The following DCUN1D3 variants were observed in gnomAD, a reference collection of about 807,000 sequenced individuals.
DCUN1D3 encodes DCN1-like protein 3.
Under a neutral mutation model 24.8 loss-of-function variants are expected in DCUN1D3, and 6 were observed. The ratio of observed to expected loss-of-function variants is 0.24; its 90% CI spans 0.13 to 0.48. The LOEUF is 0.48. DCUN1D3 is among the 20% of genes least tolerant of loss of function. The pLI is 0.99. For missense variants in DCUN1D3, 258 were observed against 379.4 expected, an observed-to-expected ratio of 0.68 and a Z score of 2.66; for synonymous variants, 120 against 144.9, an observed-to-expected ratio of 0.83 and a Z score of 1.24.
intron 1 of DCUN1D3, among the ~76,000 whole-genome samples, chr16:20,894,484 T>C (rs909270718): frequency 4.6e-5 from 7 of 152,154 alleles, no homozygotes; most frequent in Admixed American, 3.9e-4. Flanking sequence ...GACAGAATTA[T>C]TTCTAGTCAC....
At chr16:20,875,460 G>C (rs1196959544) in intron 1 of DCUN1D3, among the ~76,000 whole-genome samples, 5 of 152,132 alleles carry the variant, frequency 3.3e-5, no homozygotes, top group Admixed American at 3.3e-4. Flanking sequence ...AAAATGACTA[G>C]GTTTGTACAG....
chr16:20,896,977 C>T (rs1199234451), intron 1 of DCUN1D3, among the ~76,000 whole-genome samples: 2 of 152,312 alleles, frequency 1.3e-5, no homozygotes, highest in South Asian at 2.1e-4. Context: ...TTCAAGTTTT[C>T]GATAATCCTT....
At chr16:20,871,467 C>A (rs77083697) in intron 1 of DCUN1D3, among the ~76,000 whole-genome samples, 3,146 of 152,262 alleles carry the variant, frequency 0.021, 119 homozygotes, top group African/African-American at 0.072. Context: ...CTAAGACCAG[C>A]CAGTTTAGCA....
intron 1 of DCUN1D3, among the ~76,000 whole-genome samples, chr16:20,869,459 G>GA (rs2081778042): frequency 1.3e-5 from 2 of 152,270 alleles, no homozygotes; most frequent in South Asian, 4.1e-4. Flanking sequence ...ACAACCTCAA[G>GA]AAAATAGTTG....
chr16:20,860,258 A>T lies in DCUN1D3; in HGVS notation c.543T>A (p.Asp181Glu), dbSNP rs1346065603. 2 of 1,614,206 alleles carry T rather than the reference A, an allele frequency of 1.2e-6. No individual in the cohort carries two copies. The highest frequency in any genetic ancestry group is 2.7e-5 in the African/African-American group (2 of 75,042). The change falls in exon 3 of 3, where the codon GAT becomes GAA. Residue 181 changes from aspartate (D) to glutamate (E), a missense_variant. Asp to Glu is a conservative substitution (Grantham distance 45). Coordinates refer to ENST00000324344, the MANE Select transcript of DCUN1D3 (RefSeq NM_173475.4). The surrounding 1 kb of genome is among the most constrained non-coding windows in gnomAD (Gnocchi z 4.3). ...TEAKQEDKFK[D>E]LYRFTFQFGL... Reference sequence around the variant, plus strand: ...CAAACTGAAATGTAAACCGGTAGAGATCCTTGAATTTATCCTCTTGTTTGG... The same window carrying T: ...CAAACTGAAATGTAAACCGGTAGAGTTCCTTGAATTTATCCTCTTGTTTGG...
intron 1 of DCUN1D3, among the ~76,000 whole-genome samples, chr16:20,897,022 A>G (rs1051593341): frequency 6.6e-6 from 1 of 152,232 alleles, no homozygotes; most frequent in Non-Finnish European, 1.5e-5. Context: ...AACCTAAAAC[A>G]GGTGACAAGT....
intron 1 of DCUN1D3, among the ~76,000 whole-genome samples, chr16:20,872,872 C>T (rs1178857226): frequency 6.6e-6 from 1 of 152,222 alleles, no homozygotes; most frequent in African/African-American, 2.4e-5. Flanking sequence ...AATCCCAGCA[C>T]TTTGGGAGGC....
At position 20,866,208 on chromosome 16, in the gene DCUN1D3, T is replaced by C. The variant is rs372956028; in HGVS notation, c.-105-3565A>G. Among the ~76,000 whole-genome samples, 16 of 152,300 alleles carry C rather than the reference T, an allele frequency of 1.1e-4. No individual in the cohort carries two copies. In the South Asian group the frequency reaches 3.3e-3, roughly 32 times the overall value. The stretch of plus-strand genomic sequence containing the variant: ...CTGAATTATCTCAAAACAAGGACTG[T>C]ACCATGTGGAGGGCCTGGTTTCCAG... On this transcript the variant is annotated intron_variant, in intron 1 of 2. Transcript: ENST00000324344.
chr16:20,872,899 C>T lies in DCUN1D3; in HGVS notation c.-105-10256G>A, dbSNP rs752284307. On this transcript the variant is annotated intron_variant, in intron 1 of 2. Transcript: ENST00000324344. ...TTGGGAGGCCAAGGCAGGTGGATCA[C>T]GAGGTCAGGAGTTCAAGACCAGCCT... Among the ~76,000 whole-genome samples, 8 of 152,132 alleles carry T rather than the reference C, an allele frequency of 5.3e-5. No individual in the cohort carries two copies. The East Asian group carries it at 9.6e-4, about 18-fold the overall frequency.
At chr16:20,875,124 C>T (rs2081807323) in intron 1 of DCUN1D3, among the ~76,000 whole-genome samples, 1 of 151,714 alleles carries the variant, frequency 6.6e-6, no homozygotes, top group Non-Finnish European at 1.5e-5. Context: ...TAAAATAAAG[C>T]AGCAGCACCA....
At chr16:20,886,731 GA>G (rs1446938250) in intron 1 of DCUN1D3, among the ~76,000 whole-genome samples, 2 of 152,178 alleles carry the variant, frequency 1.3e-5, no homozygotes, top group African/African-American at 4.8e-5. Context: ...TGCCTTACAA[GA>G]AAAGCAGCTT....
chr16:20,869,431 T>C (rs2081777949), intron 1 of DCUN1D3, among the ~76,000 whole-genome samples: 1 of 152,210 alleles, frequency 6.6e-6, no homozygotes, highest in South Asian at 2.1e-4. Flanking sequence ...ATATTCATCA[T>C]CACCTTCAAG....
At chr16:20,891,869 G>A (rs1056264018) in intron 1 of DCUN1D3, among the ~76,000 whole-genome samples, 4 of 152,126 alleles carry the variant, frequency 2.6e-5, no homozygotes, top group East Asian at 3.8e-4. Flanking sequence ...CCTTGTGAAC[G>A]GCATTCCCTG....
chr16:20,892,377 C>T (rs541623196), intron 1 of DCUN1D3, among the ~76,000 whole-genome samples: 38 of 152,234 alleles, frequency 2.5e-4, no homozygotes, highest in Non-Finnish European at 5.1e-4. Flanking sequence ...CCAGTGTGCC[C>T]CTAGATGCTG....
intron 1 of DCUN1D3, chr16:20,896,429 C>A (rs374292751): frequency 6.6e-4 from 101 of 152,188 alleles, no homozygotes; most frequent in African/African-American, 2.4e-3. Context: ...ATTAAAAGGC[C>A]AGCTCAGCTC....
In DCUN1D3 at chr16:20,895,668, C is replaced by T. The variant is rs189677794; in HGVS notation, c.-106+4536G>A. Among the ~76,000 whole-genome samples the T allele has an allele frequency of 2.2e-3, 333 of 152,262 alleles. 2 individuals are homozygous for T. Among genetic ancestry groups the T allele is most frequent in the Non-Finnish European group, 3.5e-3 (239 of 68,014 alleles). On this transcript the variant is annotated intron_variant, in intron 1 of 2. Coordinates refer to ENST00000324344, the MANE Select transcript of DCUN1D3 (RefSeq NM_173475.4). ...AAACGGTCAAGTTCTGTGGTAATCC[C>T]TTCTCACCACCCAAAAGAATAGGAT...
chr16:20,871,301 T>C (rs756363957), intron 1 of DCUN1D3, among the ~76,000 whole-genome samples: 3 of 152,134 alleles, frequency 2.0e-5, no homozygotes, highest in Non-Finnish European at 4.4e-5. Flanking sequence ...CCAGTTAGGG[T>C]TGGGGAGGAA....
chr16:20,875,590 C>T (rs1363592343), intron 1 of DCUN1D3, among the ~76,000 whole-genome samples: 2 of 152,164 alleles, frequency 1.3e-5, no homozygotes, highest in African/African-American at 4.8e-5. Flanking sequence ...AAGAATAAAA[C>T]TAGATCCCCT....
chr16:20,894,152 C>T (rs2081904849), intron 1 of DCUN1D3, among the ~76,000 whole-genome samples: 1 of 152,116 alleles, frequency 6.6e-6, no homozygotes. Flanking sequence ...CCTGTAGTCC[C>T]AGCTACTCAG....
Sources: allele counts gnomAD v4.1 joint callset (sites outside exome capture counted in the v4.1 genomes callset), GRCh38; gene constraint gnomAD v4.1.1; non-coding constraint Gnocchi (gnomAD v3.1); transcripts MANE v1.5; gene names NCBI Gene and HGNC (gene_info 2026-07-23, HGNC 2026-07-21).